The following PRRG1 variants were observed in gnomAD, a reference collection of about 807,000 sequenced individuals.
PRRG1 encodes the protein proline rich and Gla domain 1, also known as transmembrane gamma-carboxyglutamic acid protein 1.
Under a neutral mutation model 11.8 loss-of-function variants are expected in PRRG1, and 5 were observed. The ratio of observed to expected loss-of-function variants is 0.42; its 90% CI spans 0.22 to 0.89. The LOEUF is 0.89. Among genes scored for constraint, PRRG1 ranks in the 40% least tolerant of loss-of-function variants. The pLI is 0.28. For missense variants in PRRG1, 155 were observed against 166.1 expected (o/e 0.93, Z 0.37); for synonymous variants, 66 against 60.4 (o/e 1.09, Z -0.43).
At chrX:37,395,268 T>G (rs781786483) in intron 1 of PRRG1, among the ~76,000 whole-genome samples, 1 of 111,937 alleles carries the variant, frequency 8.9e-6, no homozygotes, top group Non-Finnish European at 1.9e-5. Context: ...TTTGTTGAGA[T>G]GTATATAACG....
At chrX:37,403,124 T>A (rs1932068168) in intron 1 of PRRG1, among the ~76,000 whole-genome samples, 1 of 109,354 alleles carries the variant, frequency 9.1e-6, no homozygotes, top group Non-Finnish European at 1.9e-5. Flanking sequence ...GCCATCCCAT[T>A]ACTGGGTATA....
intron 1 of PRRG1, among the ~76,000 whole-genome samples, chrX:37,399,247 C>T (rs1289953400): frequency 9.0e-6 from 1 of 111,599 alleles, no homozygotes; most frequent in Non-Finnish European, 1.9e-5. Flanking sequence ...TTGGGTTACC[C>T]ACAAAGGGAA....
chrX:37,442,146 C>T, intron 3 of PRRG1: 6 of 756,095 alleles, frequency 7.9e-6, no homozygotes, highest in Non-Finnish European at 9.4e-6. Context: ...TGCATGTTGC[C>T]CTTTCAGAAC....
At chrX:37,409,981 G>A (rs1016521250) in intron 2 of PRRG1, among the ~76,000 whole-genome samples, 1 of 111,958 alleles carries the variant, frequency 8.9e-6, no homozygotes, top group Non-Finnish European at 1.9e-5. Flanking sequence ...AGAATCATTC[G>A]TTTATGTGAC....
chrX:37,384,970 C>A (rs1247634337), intron 1 of PRRG1, among the ~76,000 whole-genome samples: 1 of 111,157 alleles, frequency 9.0e-6, no homozygotes, highest in African/African-American at 3.3e-5. Flanking sequence ...AGGCATACAC[C>A]CAACAGAAAT....
intron 3 of PRRG1, among the ~76,000 whole-genome samples, chrX:37,439,854 C>T (rs781793292): frequency 1.1e-5 from 1 of 94,383 alleles, no homozygotes; most frequent in African/African-American, 4.4e-5. Context: ...GGCTGGAGTG[C>T]AATGGTGCAA....
chrX:37,403,275 A>G (rs1353982754), intron 1 of PRRG1, among the ~76,000 whole-genome samples: 2 of 110,290 alleles, frequency 1.8e-5, no homozygotes, highest in African/African-American at 3.3e-5. Context: ...TGTGGCACAT[A>G]TACACCATGG....
At chrX:37,402,283 C>G (rs1932022635) in intron 1 of PRRG1, among the ~76,000 whole-genome samples, 2 of 111,640 alleles carry the variant, frequency 1.8e-5, no homozygotes, top group Non-Finnish European at 3.8e-5. Flanking sequence ...GGTACCAAAA[C>G]AGACATATAG....
At chrX:37,426,247 G>T (rs781924200) in intron 3 of PRRG1, among the ~76,000 whole-genome samples, 1 of 111,517 alleles carries the variant, frequency 9.0e-6, no homozygotes, top group Non-Finnish European at 1.9e-5. Flanking sequence ...TATCATCTTG[G>T]CGAGTAGGAA....
At chrX:37,405,492 C>T (rs948647023) in intron 1 of PRRG1, among the ~76,000 whole-genome samples, 2 of 110,730 alleles carry the variant, frequency 1.8e-5, no homozygotes, top group African/African-American at 6.5e-5. Flanking sequence ...ATGATTGAAC[C>T]CTGTGAGAAA....
intron 2 of PRRG1, among the ~76,000 whole-genome samples, chrX:37,424,164 T>C (rs782519589): frequency 9.0e-6 from 1 of 111,470 alleles, no homozygotes; most frequent in South Asian, 3.8e-4. Context: ...ATACTAAATA[T>C]ATATGAAGGG....
intron 1 of PRRG1, among the ~76,000 whole-genome samples, chrX:37,383,507 G>C (rs1289472647): frequency 2.7e-5 from 3 of 110,863 alleles, no homozygotes; most frequent in Non-Finnish European, 5.7e-5. Flanking sequence ...ATCTAGTGAT[G>C]CAACAGTGTT....
chrX:37,363,321 A>G (rs1158732211), intron 1 of PRRG1, among the ~76,000 whole-genome samples: 2 of 111,930 alleles, frequency 1.8e-5, no homozygotes, highest in African/African-American at 6.5e-5. Context: ...TCATACAGTA[A>G]GACTTTGTGT....
At chrX:37,415,910 A>C (rs1932482033) in intron 2 of PRRG1, among the ~76,000 whole-genome samples, 1 of 112,063 alleles carries the variant, frequency 8.9e-6, no homozygotes, top group Non-Finnish European at 1.9e-5. Context: ...CCTTCATATC[A>C]GCAGGTAAAC....
chrX:37,382,353 A>G (rs1931178051), intron 1 of PRRG1, among the ~76,000 whole-genome samples: 1 of 111,127 alleles, frequency 9.0e-6, no homozygotes, highest in East Asian at 2.8e-4. Context: ...AGATGTCTTG[A>G]TCTAGGTTTT....
intron 1 of PRRG1, among the ~76,000 whole-genome samples, chrX:37,385,284 G>A (rs1178120984): frequency 9.0e-6 from 1 of 110,620 alleles, no homozygotes; most frequent in African/African-American, 3.3e-5. Flanking sequence ...CACACAAAAC[G>A]TGTAATAAGT....
chrX:37,354,909 TTTTG>T (rs1314563788), intron 1 of PRRG1, among the ~76,000 whole-genome samples: 7 of 109,878 alleles, frequency 6.4e-5, no homozygotes, highest in South Asian at 3.9e-4. Flanking sequence ...GTAATGGCTT[TTTTG>T]TTTGTTTGTT....
At chrX:37,440,143 A>G (rs1932949668) in intron 3 of PRRG1, among the ~76,000 whole-genome samples, 1 of 111,826 alleles carries the variant, frequency 8.9e-6, no homozygotes, top group Admixed American at 9.5e-5. Context: ...TTTGGGATAG[A>G]CAAAGCAGGT....
At chrX:37,437,989 C>T (rs1256885880) in intron 3 of PRRG1, among the ~76,000 whole-genome samples, 7 of 109,561 alleles carry the variant, frequency 6.4e-5, no homozygotes, top group Admixed American at 2.9e-4. Flanking sequence ...GGGCAGATCA[C>T]GTGAGGTCAG....
Sources: allele counts gnomAD v4.1 joint callset (sites outside exome capture counted in the v4.1 genomes callset), GRCh38; gene constraint gnomAD v4.1.1; transcripts MANE v1.5; gene names NCBI Gene and HGNC (gene_info 2026-07-23, HGNC 2026-07-21).